Variants in ELOC observed in about 807,000 individuals in gnomAD.
ELOC encodes the protein elongin C.
For missense variants in ELOC, 38 were observed against 139.0 expected (o/e 0.27, Z 3.65); for synonymous variants, 40 against 51.3 (o/e 0.78, Z 0.94).
intron 3 of ELOC, among the ~76,000 whole-genome samples, chr8:73,948,835 A>ACAAGCAAGCAAGCAAGCAAG (rs149713108): frequency 8.2e-4 from 124 of 150,380 alleles, no homozygotes; most frequent in Admixed American, 1.3e-3. Context: ...CCTGTCACTC[A>ACAAGCAAGCAAGCAAGCAAG]CAAGCAAGCA....
At chr8:73,971,647 G>A (rs940676048) in intron 1 of ELOC, among the ~76,000 whole-genome samples, 2 of 152,012 alleles carry the variant, frequency 1.3e-5, no homozygotes, top group Non-Finnish European at 2.9e-5. Context: ...AAGTTACCCA[G>A]AAGGTAAACT....
chr8:73,970,973 G>A (rs1815338201), intron 1 of ELOC, among the ~76,000 whole-genome samples: 1 of 141,828 alleles, frequency 7.1e-6, no homozygotes, highest in African/African-American at 2.6e-5. Flanking sequence ...TGCGGAGGTT[G>A]CAGTGAGCCG....
chr8:73,955,808 A>T (rs760834366), intron 3 of ELOC, 103 bp downstream of exon 3: 6 of 1,253,196 alleles, frequency 4.8e-6, no homozygotes, highest in Non-Finnish European at 6.8e-6. Flanking sequence ...ACAATGTTAG[A>T]AGACTTATTT....
chr8:73,953,132 C>T (rs1056537867), intron 3 of ELOC, among the ~76,000 whole-genome samples: 1 of 151,950 alleles, frequency 6.6e-6, no homozygotes, highest in African/African-American at 2.4e-5. Flanking sequence ...CAGTGAGATC[C>T]CATTTCTACC....
chr8:73,966,769 T>C (rs749660141), intron 1 of ELOC, among the ~76,000 whole-genome samples: 7 of 151,838 alleles, frequency 4.6e-5, no homozygotes, highest in African/African-American at 1.5e-4. Flanking sequence ...CCACCACACA[T>C]AGCCCAAGAC....
chr8:73,959,833 A>G lies in ELOC; in HGVS notation c.-50-15T>C. 2.3e-6 allele frequency: 3 copies of G among 1,325,616 alleles called. No individual in the cohort carries two copies. Among genetic ancestry groups the G allele is most frequent in the Non-Finnish European group, 3.1e-6 (3 of 970,532 alleles). The allele number at this position is 1,325,616 out of a possible 1,614,324, so 82.1% of individuals were successfully genotyped here. On this transcript the variant is annotated splice_polypyrimidine_tract_variant and intron_variant, in intron 1 of 3. Coordinates refer to ENST00000520242, the MANE Select transcript of ELOC (RefSeq NM_005648.4). ...TTAGTAGTTTCCTGAAAATATAACA[A>G]TATCATATTAAGATTAATGTTGCAA... is the stretch of plus-strand genomic sequence containing the variant.
chr8:73,952,368 C>A (rs541361015), intron 3 of ELOC, among the ~76,000 whole-genome samples: 114 of 151,584 alleles, frequency 7.5e-4, no homozygotes, highest in African/African-American at 2.6e-3. Context: ...GATTGAGCCA[C>A]TGCACTCCAG....
chr8:73,955,845 C>A, intron 3 of ELOC, 66 bp downstream of exon 3: 1 of 1,467,256 alleles, frequency 6.8e-7, no homozygotes, highest in South Asian at 1.2e-5. Flanking sequence ...ATCATTAATT[C>A]AACTTAAAAA....
At chr8:73,956,139 G>T in intron 2 of ELOC, 85 bp from the exon 3 acceptor site, 1 of 1,306,258 alleles carries the variant, frequency 7.7e-7, no homozygotes, top group African/African-American at 1.5e-5. Context: ...AGTGGCTCAC[G>T]CCTGTAATCC....
At chr8:73,969,981 C>T (rs1213914747) in intron 1 of ELOC, among the ~76,000 whole-genome samples, 4 of 152,224 alleles carry the variant, frequency 2.6e-5, no homozygotes, top group Non-Finnish European at 4.4e-5. Flanking sequence ...AGCTGAAATG[C>T]ATTAACACAT....
At chr8:73,953,270 C>T (rs1813896756) in intron 3 of ELOC, among the ~76,000 whole-genome samples, 1 of 152,062 alleles carries the variant, frequency 6.6e-6, no homozygotes, top group Admixed American at 6.6e-5. Context: ...TGTGCCACTG[C>T]ACTCTAGCCT....
chr8:73,949,997 A>G (rs572486168), intron 3 of ELOC, among the ~76,000 whole-genome samples: 2 of 152,162 alleles, frequency 1.3e-5, no homozygotes, highest in East Asian at 1.9e-4. Context: ...TTGTGTGTGT[A>G]TATGAGGAGT....
At chr8:73,959,435 GTTC>G (rs1013565298) in intron 2 of ELOC, among the ~76,000 whole-genome samples, 5 of 152,002 alleles carry the variant, frequency 3.3e-5, no homozygotes, top group African/African-American at 7.3e-5. Context: ...TGTAATTTTT[GTTC>G]TTTTTAAATT....
rs1000406209 is a variant in ELOC at position 73,972,083 on chromosome 8, G to A, written c.-57C>T. On this transcript the variant is annotated 5_prime_UTR_variant, in exon 1 of 4. Coordinates refer to ENST00000520242, the MANE Select transcript of ELOC (RefSeq NM_005648.4). Reference sequence around the variant, plus strand: ...GCCCCAGCCCGAGACTCACTCGTCAGTCCCGCAGCCACCGCAGCCGGGTCC... The same window carrying A: ...GCCCCAGCCCGAGACTCACTCGTCAATCCCGCAGCCACCGCAGCCGGGTCC... The A allele has an allele frequency of 5.9e-5, 9 of 152,638 alleles. No individual in the cohort carries two copies. The highest frequency in any genetic ancestry group is 2.2e-4 in the African/African-American group (9 of 41,452). 9.5% of individuals were successfully genotyped at this position (152,638 alleles called of 1,614,324 possible).
At chr8:73,953,247 G>T (rs995757703) in intron 3 of ELOC, among the ~76,000 whole-genome samples, 3 of 151,956 alleles carry the variant, frequency 2.0e-5, no homozygotes, top group Admixed American at 2.0e-4. Context: ...TGGAGGTTGC[G>T]GTGAGTGGAG....
At chr8:73,956,808 CT>C (rs1443818999) in intron 2 of ELOC, among the ~76,000 whole-genome samples, 2 of 152,136 alleles carry the variant, frequency 1.3e-5, no homozygotes, top group African/African-American at 4.8e-5. Context: ...AAAGTTAAGA[CT>C]TCTTTTACTC....
intron 1 of ELOC, chr8:73,969,715 A>T (rs572309078): frequency 1.3e-5 from 2 of 152,262 alleles, no homozygotes; most frequent in African/African-American, 4.8e-5. Flanking sequence ...TCTAACCCTT[A>T]ACCTTGCTAT....
In ELOC at chr8:73,946,836, AT is replaced by A. The variant is rs748012589; in HGVS notation, c.149-17del. On this transcript the variant is annotated splice_polypyrimidine_tract_variant and intron_variant, in intron 3 of 3. Coordinates refer to ENST00000520242, the MANE Select transcript of ELOC (RefSeq NM_005648.4). ...GCAAACTGACCTGTAAAACAAAAGA[AT>A]TATGTATGTTATTGGCTGAATTGTG... 1 of 1,602,220 alleles carries A rather than the reference AT, an allele frequency of 6.2e-7. No homozygotes were observed. The highest frequency in any genetic ancestry group is 8.5e-7 in the Non-Finnish European group (1 of 1,171,908).
chr8:73,951,102 C>T (rs919454049), intron 3 of ELOC, among the ~76,000 whole-genome samples: 1 of 151,892 alleles, frequency 6.6e-6, no homozygotes, highest in Non-Finnish European at 1.5e-5. Flanking sequence ...GAAACCCCAT[C>T]TCTACTAAAA....
Sources: gnomAD v4.1 joint callset for allele counts (sites outside exome capture counted in the v4.1 genomes callset) on GRCh38, gnomAD v4.1.1 for gene constraint, MANE v1.5 for transcripts, NCBI Gene and HGNC (gene_info 2026-07-23, HGNC 2026-07-21) for gene names.